The following KCNH5 variants were observed in gnomAD, a reference collection of about 807,000 sequenced individuals.
KCNH5 encodes the protein voltage-gated delayed rectifier potassium channel KCNH5.
Under a neutral mutation model 96.1 loss-of-function variants are expected in KCNH5, and 46 were observed. The observed-to-expected ratio is 0.48, with a 90% CI of 0.38 to 0.61. The LOEUF is 0.61. KCNH5 is among the 20% of genes least tolerant of loss of function. KCNH5 has a pLI of 0.00. For missense variants in KCNH5, 907 were observed against 1,225.8 expected, an observed-to-expected ratio of 0.74 and a Z score of 3.88; for synonymous variants, 439 against 449.8, an observed-to-expected ratio of 0.98 and a Z score of 0.30.
chr14:62,948,982 A>G (rs896437146), intron 7 of KCNH5, among the ~76,000 whole-genome samples: 3 of 151,232 alleles, frequency 2.0e-5, no homozygotes, highest in African/African-American at 7.3e-5. Flanking sequence ...AAAACTCTCA[A>G]TAAATTAGGT....
chr14:62,846,961 C>T (rs888191715), intron 8 of KCNH5, among the ~76,000 whole-genome samples: 5 of 148,390 alleles, frequency 3.4e-5, no homozygotes, highest in South Asian at 2.1e-4. Flanking sequence ...CCAGCACGCC[C>T]GGCTAATTTT....
At chr14:62,777,267 C>T (rs1005600932) in intron 10 of KCNH5, among the ~76,000 whole-genome samples, 5 of 152,090 alleles carry the variant, frequency 3.3e-5, no homozygotes, top group Admixed American at 6.5e-5. Flanking sequence ...CTAAAAAATA[C>T]AGGTTTTAGA....
chr14:62,700,520 G>A lies in KCNH5; in HGVS notation c.*6988C>T, dbSNP rs1008400592. On this transcript the variant is annotated 3_prime_UTR_variant, in exon 11 of 11. Coordinates refer to ENST00000322893, the MANE Select transcript of KCNH5 (RefSeq NM_139318.5). Reference sequence around the variant, plus strand: ...AGCAATGTGAAAACATCCCTGCAGAGGTCAAAAAAGCAATTCTGACAACTG... The same window carrying A: ...AGCAATGTGAAAACATCCCTGCAGAAGTCAAAAAAGCAATTCTGACAACTG... The A allele has an allele frequency of 6.6e-5, 10 of 152,046 alleles. No homozygotes were observed. The highest frequency in any genetic ancestry group is 2.4e-4 in the African/African-American group (10 of 41,416). The allele number at this position is 152,046 out of a possible 1,614,324, so 9.4% of individuals were successfully genotyped here. A position where few individuals can be genotyped will look rare whatever the true frequency, so the allele number is the denominator to read the frequency against.
chr14:63,041,662 A>T (rs1891826515), intron 1 of KCNH5, among the ~76,000 whole-genome samples: 1 of 152,184 alleles, frequency 6.6e-6, no homozygotes, highest in East Asian at 1.9e-4. Context: ...TAAACTAAAA[A>T]GAATTCCTTG....
chr14:62,814,414 G>A (rs1886931897), intron 8 of KCNH5, among the ~76,000 whole-genome samples: 1 of 151,994 alleles, frequency 6.6e-6, no homozygotes, highest in African/African-American at 2.4e-5. Flanking sequence ...AAATAACAGT[G>A]CTTTTACATA....
In KCNH5 at chr14:63,034,634, A is replaced by G. The variant is rs144844849; in HGVS notation, c.73+10480T>C. Among the ~76,000 whole-genome samples, 252 of 152,334 alleles carry G rather than the reference A, an allele frequency of 1.7e-3. 1 individual carries two copies. The highest frequency in any genetic ancestry group is 5.9e-3 in the African/African-American group (246 of 41,586). ...GCAAAAATATCTGTTAATTTATTCA[A>G]ACTTGTTCAGGTGTCATGAAAGATA... On this transcript the variant is annotated intron_variant, in intron 1 of 10. Coordinates refer to ENST00000322893, the MANE Select transcript of KCNH5 (RefSeq NM_139318.5).
Position 62,928,255 on chromosome 14 carries a change from A to G in KCNH5, c.1369+21878T>C, listed in dbSNP as rs903951872. The stretch of plus-strand genomic sequence containing the variant: ...CCTCATTTCTTGCTTAATAGAGTTA[A>G]CATGTTTTTCAGATTTATCTATACT... On this transcript the variant is annotated intron_variant, in intron 7 of 10. Transcript: ENST00000322893. 4.6e-5 allele frequency among the ~76,000 whole-genome samples: 7 copies of G among 152,110 alleles called. 1 individual carries two copies. The South Asian group carries it at 1.5e-3, about 32-fold the overall frequency.
At chr14:62,823,175 A>G (rs1467109578) in intron 8 of KCNH5, among the ~76,000 whole-genome samples, 3 of 152,050 alleles carry the variant, frequency 2.0e-5, no homozygotes, top group Non-Finnish European at 2.9e-5. Flanking sequence ...ACTTCTATCA[A>G]TTTATAGCAA....
chr14:62,814,845 T>TGC (rs1337706410), intron 8 of KCNH5, among the ~76,000 whole-genome samples: 1 of 135,590 alleles, frequency 7.4e-6, no homozygotes, highest in African/African-American at 2.8e-5. Context: ...GGGAGTGAGG[T>TGC]GCTTTGGAAA....
chr14:62,834,102 G>T (rs28502290), intron 8 of KCNH5, among the ~76,000 whole-genome samples: 16,371 of 151,684 alleles, frequency 0.11, 1,115 homozygotes, highest in East Asian at 0.3. Context: ...ATTTTCTCTC[G>T]TGGCTTTTAT....
intron 7 of KCNH5, among the ~76,000 whole-genome samples, chr14:62,871,914 C>T (rs1316437064): frequency 6.6e-6 from 1 of 152,136 alleles, no homozygotes; most frequent in Non-Finnish European, 1.5e-5. Context: ...TGTTTGTGTT[C>T]AGTGGCATCC....
intron 8 of KCNH5, among the ~76,000 whole-genome samples, chr14:62,833,435 G>A (rs1479387439): frequency 6.6e-6 from 1 of 151,956 alleles, no homozygotes; most frequent in African/African-American, 2.4e-5. Context: ...TTTTGTCAAC[G>A]ATTAGTTGAC....
At chr14:62,803,374 G>A (rs1886704251) in intron 8 of KCNH5, among the ~76,000 whole-genome samples, 1 of 152,148 alleles carries the variant, frequency 6.6e-6, no homozygotes, top group African/African-American at 2.4e-5. Context: ...GGCACTGGCA[G>A]ACTAACTCCA....
intron 7 of KCNH5, among the ~76,000 whole-genome samples, chr14:62,889,754 T>C (rs1398251675): frequency 2.0e-5 from 3 of 152,218 alleles, no homozygotes; most frequent in Non-Finnish European, 2.9e-5. Flanking sequence ...AACAATTCTG[T>C]ATGGTAATAA....
rs1484956940 is a variant in KCNH5, at chr14:63,045,288, G to A, written c.-102C>T. ...AGGAAAAGGTGGAAGAGAAGATTGA[G>A]CCGAAAGAAGAGGGGGCGCGGCGGC... On this transcript the variant is annotated 5_prime_UTR_variant, in exon 1 of 11. Transcript: ENST00000322893. 1.1e-5 allele frequency: 11 copies of A among 963,256 alleles called. No individual in the cohort carries two copies. Among genetic ancestry groups the A allele is most frequent in the Admixed American group, 1.1e-4 (6 of 52,862 alleles). The allele number at this position is 963,256 out of a possible 1,614,324, so 59.7% of individuals were successfully genotyped here. A position where few individuals can be genotyped will look rare whatever the true frequency, so the allele number is the denominator to read the frequency against.
intron 8 of KCNH5, among the ~76,000 whole-genome samples, chr14:62,845,821 G>A (rs937641665): frequency 6.6e-6 from 1 of 152,206 alleles, no homozygotes; most frequent in Non-Finnish European, 1.5e-5. Context: ...TGAGTAGGCA[G>A]TTGGAGGGGA....
chr14:63,010,975 G>A (rs117899084), intron 2 of KCNH5, among the ~76,000 whole-genome samples: 1 of 152,112 alleles, frequency 6.6e-6, no homozygotes, highest in Non-Finnish European at 1.5e-5. Flanking sequence ...AATATTATCT[G>A]CAGGCTGTAG....
intron 7 of KCNH5, among the ~76,000 whole-genome samples, chr14:62,871,844 G>T (rs1050420150): frequency 6.6e-6 from 1 of 152,130 alleles, no homozygotes; most frequent in African/African-American, 2.4e-5. Flanking sequence ...TATCTCAGAA[G>T]AAGACTAATC....
intron 1 of KCNH5, among the ~76,000 whole-genome samples, chr14:63,043,258 TC>T (rs1260035104): frequency 6.6e-6 from 1 of 152,174 alleles, no homozygotes; most frequent in Non-Finnish European, 1.5e-5. Flanking sequence ...GTCAAGGGAT[TC>T]TCATGTTCTT....
Sources: allele counts gnomAD v4.1 joint callset (sites outside exome capture counted in the v4.1 genomes callset), GRCh38; gene constraint gnomAD v4.1.1; transcripts MANE v1.5; gene names NCBI Gene and HGNC (gene_info 2026-07-23, HGNC 2026-07-21).